Variants in SLIT2 observed in about 807,000 individuals in gnomAD.
The protein encoded by SLIT2 is slit guidance ligand 2, also known as slit homolog 2 protein.
Under a neutral mutation model 185.7 loss-of-function variants are expected in SLIT2, and 41 were observed. The observed-to-expected ratio is 0.22, with a 90% confidence interval of 0.17 to 0.29. The LOEUF (loss-of-function observed/expected upper bound fraction) is 0.29. Among genes scored for constraint, SLIT2 ranks in the 10% least tolerant of loss-of-function variants. The probability of loss-of-function intolerance (pLI) is 1.00; values close to 1 mark genes in which losing one functional copy is unlikely to be tolerated. For synonymous variants in SLIT2, 693 were observed against 680.2 expected (o/e 1.02, Z -0.29); for missense variants, 1,571 against 1,909.0 (o/e 0.82, Z 3.30).
intron 4 of SLIT2, among the ~76,000 whole-genome samples, chr4:20,335,901 G>A (rs1458365895): frequency 9.3e-6 from 1 of 108,030 alleles, no homozygotes; most frequent in East Asian, 2.5e-4. Context: ...CAACATGATG[G>A]TATACCTTTA....
intron 4 of SLIT2, among the ~76,000 whole-genome samples, chr4:20,284,688 G>A (rs1247788686): frequency 2.0e-5 from 3 of 152,186 alleles, no homozygotes; most frequent in South Asian, 2.1e-4. Flanking sequence ...TGCTTTGACT[G>A]TAATATATTA....
chr4:20,456,953 A>G (rs914680841), intron 4 of SLIT2, among the ~76,000 whole-genome samples: 4 of 152,226 alleles, frequency 2.6e-5, no homozygotes, highest in Non-Finnish European at 4.4e-5. Context: ...TATTTGGATC[A>G]TGAAAAAAAA....
At chr4:20,293,759 G>A (rs1716197180) in intron 4 of SLIT2, among the ~76,000 whole-genome samples, 1 of 152,082 alleles carries the variant, frequency 6.6e-6, no homozygotes, top group South Asian at 2.1e-4. Flanking sequence ...TAGAAACTTA[G>A]GTGAAGAGAC....
chr4:20,427,834 A>T (rs953773524), intron 4 of SLIT2, among the ~76,000 whole-genome samples: 1 of 152,140 alleles, frequency 6.6e-6, no homozygotes, highest in Admixed American at 6.6e-5. Context: ...ATTGAAATTC[A>T]TGTGTCTTAA....
intron 4 of SLIT2, among the ~76,000 whole-genome samples, chr4:20,444,571 G>A (rs932276136): frequency 6.6e-6 from 1 of 152,136 alleles, no homozygotes; most frequent in Middle Eastern, 3.2e-3. Flanking sequence ...TGTAAACAGA[G>A]AACATTTTGA....
chr4:20,559,990 A>G (rs1724567689), intron 26 of SLIT2, among the ~76,000 whole-genome samples: 1 of 151,974 alleles, frequency 6.6e-6, no homozygotes, highest in African/African-American at 2.4e-5. Context: ...ATTAATTAAA[A>G]TAATTCATTC....
intron 5 of SLIT2, among the ~76,000 whole-genome samples, chr4:20,474,931 A>T (rs560895358): frequency 6.6e-6 from 1 of 151,976 alleles, no homozygotes; most frequent in South Asian, 2.1e-4. Flanking sequence ...TGCCAGTTCT[A>T]TAGTGTCTAT....
At chr4:20,525,249 A>T in intron 15 of SLIT2, 77 bp downstream of exon 15, 2 of 1,062,226 alleles carry the variant, frequency 1.9e-6, no homozygotes, top group Non-Finnish European at 2.9e-6. Flanking sequence ...TAAAACTGAT[A>T]TGCATGCTTC....
intron 4 of SLIT2, among the ~76,000 whole-genome samples, chr4:20,352,849 G>A (rs1309549629): frequency 1.3e-5 from 2 of 152,288 alleles, no homozygotes; most frequent in African/African-American, 4.8e-5. Context: ...GGAGGCAGAG[G>A]TTGCCATGAG....
chr4:20,261,089 T>C (rs949153037), intron 3 of SLIT2, among the ~76,000 whole-genome samples: 14 of 151,886 alleles, frequency 9.2e-5, no homozygotes, highest in Admixed American at 7.9e-4. Flanking sequence ...AGTTTGTTTC[T>C]GCACTCTCAG....
chr4:20,304,202 TCATTGGATGAA>T (rs1392549766), intron 4 of SLIT2, among the ~76,000 whole-genome samples: 1 of 152,152 alleles, frequency 6.6e-6, no homozygotes, highest in African/African-American at 2.4e-5. Context: ...ACACATTTGT[TCATTGGATGAA>T]TGATGCTACT....
Position 20,467,771 on chromosome 4 carries a change from A to G in SLIT2, c.415A>G (p.Ile139Val). 1 of 1,598,594 alleles carries G rather than the reference A, an allele frequency of 6.3e-7. No individual in the cohort carries two copies. Among genetic ancestry groups the G allele is most frequent in the Non-Finnish European group, 8.5e-7 (1 of 1,171,114 alleles). Residue 139 changes from isoleucine to valine, a missense_variant, in exon 5 of 37, where the codon ATT (isoleucine) becomes GTT (valine). Ile to Val is a conservative substitution (Grantham distance 29). This residue lies in a region of SLIT2 where 1,202 missense variants were observed against 1,416.4 expected (regional missense o/e 0.85). Transcript: ENST00000504154. ...TTTTAGTGATCTCAGTGAAAACCAA[A>G]TTCAGGCAATCCCAAGGAAAGCTTT... Reference protein sequence around the residue: ...LYRLDLSENQIQAIPRKAFRG... With the variant: ...LYRLDLSENQVQAIPRKAFRG...
intron 9 of SLIT2, among the ~76,000 whole-genome samples, chr4:20,493,854 G>A (rs1577779572): frequency 6.6e-6 from 1 of 152,200 alleles, no homozygotes; most frequent in Non-Finnish European, 1.5e-5. Context: ...AAGATGGGTA[G>A]TGAATGAAAC....
At chr4:20,264,781 A>C (rs1351168413) in intron 3 of SLIT2, among the ~76,000 whole-genome samples, 1 of 151,864 alleles carries the variant, frequency 6.6e-6, no homozygotes, top group Admixed American at 6.6e-5. Flanking sequence ...ATCCTTTCTC[A>C]TCTTTGCCCT....
chr4:20,303,456 AC>A (rs1184158109), intron 4 of SLIT2, among the ~76,000 whole-genome samples: 1 of 151,736 alleles, frequency 6.6e-6, no homozygotes, highest in Non-Finnish European at 1.5e-5. Flanking sequence ...AATTACAGTT[AC>A]TTTTTTTTTT....
intron 4 of SLIT2, among the ~76,000 whole-genome samples, chr4:20,307,152 C>T (rs1208295369): frequency 6.0e-5 from 1 of 16,712 alleles, no homozygotes; most frequent in South Asian, 4.3e-3. Flanking sequence ...CCCTCCCTCC[C>T]TCCCTCCCTC....
chr4:20,520,816 A>G (rs1184476206), intron 12 of SLIT2, among the ~76,000 whole-genome samples: 5 of 152,290 alleles, frequency 3.3e-5, no homozygotes, highest in Admixed American at 2.6e-4. Flanking sequence ...TCTCAGTGCT[A>G]CATAACCCAG....
intron 4 of SLIT2, among the ~76,000 whole-genome samples, chr4:20,416,504 A>C (rs1727700214): frequency 6.6e-6 from 1 of 152,162 alleles, no homozygotes; most frequent in Non-Finnish European, 1.5e-5. Flanking sequence ...GACACAATTT[A>C]ATCCATAAAA....
chr4:20,587,106 C>A (rs1727127888), intron 29 of SLIT2, among the ~76,000 whole-genome samples: 1 of 151,890 alleles, frequency 6.6e-6, no homozygotes, highest in Non-Finnish European at 1.5e-5. Flanking sequence ...GCAACCTCCG[C>A]CTCCTGGGTT....
Sources: allele counts gnomAD v4.1 joint callset (sites outside exome capture counted in the v4.1 genomes callset), GRCh38; gene constraint gnomAD v4.1.1; regional missense constraint gnomAD v4.1.1; transcripts MANE v1.5; gene names NCBI Gene and HGNC (gene_info 2026-07-23, HGNC 2026-07-21).